Variants in MAP2 observed in about 807,000 individuals in gnomAD.
The protein encoded by MAP2 is microtubule-associated protein 2.
Under a neutral mutation model 137.6 loss-of-function variants are expected in MAP2, and 14 were observed. The observed-to-expected ratio is 0.10, with a 90% CI of 0.07 to 0.16. The LOEUF (loss-of-function observed/expected upper bound fraction) is 0.16. MAP2 is among the 10% of genes least tolerant of loss of function. The probability of loss-of-function intolerance (pLI) is 1.00; values close to 1 mark genes in which losing one functional copy is unlikely to be tolerated. For missense variants in MAP2, 2,088 were observed against 2,191.5 expected (o/e 0.95, Z 0.94); for synonymous variants, 786 against 782.3 (o/e 1.00, Z -0.08).
At chr2:209,649,036 G>C (rs1209304001) in intron 4 of MAP2, among the ~76,000 whole-genome samples, 1 of 151,930 alleles carries the variant, frequency 6.6e-6, no homozygotes. Context: ...TTTTTTATTT[G>C]TATCTTTATT....
At chr2:209,556,089 T>A (rs1370103602) in intron 2 of MAP2, among the ~76,000 whole-genome samples, 3 of 149,194 alleles carry the variant, frequency 2.0e-5, no homozygotes, top group African/African-American at 7.5e-5. Context: ...TTGCCCAGGC[T>A]GGAGTGCAGT....
chr2:209,551,216 T>C (rs917880755), intron 2 of MAP2, among the ~76,000 whole-genome samples: 2 of 152,138 alleles, frequency 1.3e-5, no homozygotes, highest in African/African-American at 4.8e-5. Flanking sequence ...GGTTTAGTTA[T>C]TGTTAGACAG....
At chr2:209,700,126 A>T in intron 10 of MAP2, 151 bp from the exon 11 acceptor site, 1 of 602,230 alleles carries the variant, frequency 1.7e-6, no homozygotes, top group Non-Finnish European at 3.0e-6. Context: ...TATTCATGTT[A>T]CTTGAGTTAT....
intron 7 of MAP2, among the ~76,000 whole-genome samples, chr2:209,685,405 A>G (rs945622212): frequency 1.3e-5 from 2 of 152,166 alleles, no homozygotes; most frequent in Admixed American, 1.3e-4. Context: ...ATGAGAATCT[A>G]ATGTCTTCTG....
Position 209,692,651 on chromosome 2 carries a change from T to C in MAP2, c.481T>C (p.Phe161Leu). 6.3e-7 allele frequency: 1 copy of C among 1,586,310 alleles called. No individual in the cohort carries two copies. ...TTTACTTACAGCCTCGAAGATGGAG[T>C]TCCACGATCAACAGGAATTGACTCC... ...EDLLTASKMEFHDQQELTPST... is the reference protein window; with the variant it reads ...EDLLTASKMELHDQQELTPST... Residue 161 changes from phenylalanine to leucine, a missense_variant, in exon 8 of 16, where the codon TTC (phenylalanine) becomes CTC (leucine). Phe to Leu is a conservative substitution (Grantham distance 22). Coordinates refer to ENST00000682079, the MANE Select transcript of MAP2 (RefSeq NM_001375505.1).
chr2:209,613,086 G>C (rs571404747), intron 3 of MAP2, among the ~76,000 whole-genome samples: 1 of 152,166 alleles, frequency 6.6e-6, no homozygotes, highest in African/African-American at 2.4e-5. Context: ...CGCATCAGTT[G>C]ATCTCCAGAC....
At position 209,432,574 on chromosome 2, in the gene MAP2, C is replaced by T. The variant is rs191333389; in HGVS notation, c.-222+8298C>T. ...GTCACTGAAAACTGAAACCATACCA[C>T]TATCAGGAGAGTGAAATAATTCTAA... On this transcript the variant is annotated intron_variant, in intron 1 of 15. Coordinates refer to ENST00000682079, the MANE Select transcript of MAP2 (RefSeq NM_001375505.1). Among the ~76,000 whole-genome samples, 668 of 152,280 alleles carry T rather than the reference C, an allele frequency of 4.4e-3. 2 individuals carry two copies. The highest frequency in any genetic ancestry group is 7.0e-3 in the Non-Finnish European group (477 of 68,012).
intron 5 of MAP2, chr2:209,661,514 T>C (rs780384442): frequency 1.3e-4 from 127 of 985,352 alleles, no homozygotes; most frequent in Non-Finnish European, 1.5e-4. Context: ...AGGGTGGATC[T>C]GCAGAAAATC....
chr2:209,687,986 G>GCTC (rs1410304534), intron 7 of MAP2, among the ~76,000 whole-genome samples: 3 of 152,216 alleles, frequency 2.0e-5, no homozygotes, highest in African/African-American at 4.8e-5. Flanking sequence ...GTCCCCTTTT[G>GCTC]CTCCTCCGCC....
chr2:209,675,798 A>C (rs2153674340), intron 5 of MAP2, among the ~76,000 whole-genome samples: 1 of 152,004 alleles, frequency 6.6e-6, no homozygotes, highest in Non-Finnish European at 1.5e-5. Flanking sequence ...ATCTAAAAAA[A>C]GAATACATAT....
chr2:209,451,477 GC>G (rs1324111492), intron 1 of MAP2, among the ~76,000 whole-genome samples: 3 of 152,112 alleles, frequency 2.0e-5, no homozygotes, highest in Non-Finnish European at 2.9e-5. Flanking sequence ...CCCTTTCCTG[GC>G]AGTAGCTGTG....
intron 2 of MAP2, among the ~76,000 whole-genome samples, chr2:209,540,365 C>A (rs1033123323): frequency 6.6e-6 from 1 of 151,304 alleles, no homozygotes; most frequent in African/African-American, 2.4e-5. Context: ...CGGGCGCGGT[C>A]GCTCACACCT....
At chr2:209,455,950 A>G (rs1338128484) in intron 1 of MAP2, among the ~76,000 whole-genome samples, 1 of 152,160 alleles carries the variant, frequency 6.6e-6, no homozygotes, top group Non-Finnish European at 1.5e-5. Flanking sequence ...TGATATCTAC[A>G]CTATTTCCTG....
At chr2:209,658,499 T>A (rs978730888) in intron 5 of MAP2, among the ~76,000 whole-genome samples, 26 of 151,848 alleles carry the variant, frequency 1.7e-4, no homozygotes, top group Admixed American at 7.9e-4. Flanking sequence ...GAAAAAAAAA[T>A]TATTATTATT....
In MAP2 at chr2:209,528,099, C is replaced by T. The variant is rs530166714; in HGVS notation, c.-172+20458C>T. Among the ~76,000 whole-genome samples the T allele has an allele frequency of 6.4e-3, 707 of 109,796 alleles. 11 individuals are homozygous for T. The highest frequency in any genetic ancestry group is 0.025 in the African/African-American group (663 of 26,158). 72.0% of individuals were successfully genotyped at this position (109,796 alleles called of 152,430 possible). Reference sequence around the variant, plus strand: ...AATCTTGCAAGGTAGAAGCCATCTTCCCCCCCTGCCCACCCCAGAAAATAT... The same window carrying T: ...AATCTTGCAAGGTAGAAGCCATCTTTCCCCCCTGCCCACCCCAGAAAATAT... On this transcript the variant is annotated intron_variant, in intron 2 of 15. Coordinates refer to ENST00000682079, the MANE Select transcript of MAP2 (RefSeq NM_001375505.1).
At chr2:209,428,166 C>T (rs959215496) in intron 1 of MAP2, among the ~76,000 whole-genome samples, 4 of 152,116 alleles carry the variant, frequency 2.6e-5, no homozygotes, top group Non-Finnish European at 5.9e-5. Context: ...AATCTTTGAT[C>T]TTTCCTGTTC....
At chr2:209,432,801 A>T (rs1054506143) in intron 1 of MAP2, among the ~76,000 whole-genome samples, 2 of 152,186 alleles carry the variant, frequency 1.3e-5, no homozygotes, top group Non-Finnish European at 2.9e-5. Flanking sequence ...TACAGGGAAT[A>T]AAACCACCTG....
intron 1 of MAP2, among the ~76,000 whole-genome samples, chr2:209,502,999 C>CTTTTTTTTTTTTTTTTTTTTTTTTT (rs71043931): frequency 7.6e-6 from 1 of 131,334 alleles, no homozygotes; most frequent in Admixed American, 8.2e-5. Context: ...GATTTTTTTT[C>CTTTTTTTTTTTTTTTTTTTTTTTTT]TTTTTTTTTT....
At chr2:209,473,919 A>G (rs976920733) in intron 1 of MAP2, among the ~76,000 whole-genome samples, 1 of 152,224 alleles carries the variant, frequency 6.6e-6, no homozygotes, top group Non-Finnish European at 1.5e-5. Flanking sequence ...AGGTTTCACT[A>G]GGAGAAAATG....
Sources: allele counts gnomAD v4.1 joint callset (sites outside exome capture counted in the v4.1 genomes callset), GRCh38; gene constraint gnomAD v4.1.1; transcripts MANE v1.5; gene names NCBI Gene and HGNC (gene_info 2026-07-23, HGNC 2026-07-21).